NR2E1: variants seen among roughly 807,000 people sequenced by gnomAD.
NR2E1 encodes nuclear receptor TLX.
NR2E1 carries 5 observed loss-of-function variants against 43.6 expected under a neutral mutation model. The ratio of observed to expected loss-of-function variants is 0.11; its 90% CI spans 0.06 to 0.24. The LOEUF is 0.24. Among genes scored for constraint, NR2E1 ranks in the 10% least tolerant of loss-of-function variants. The pLI, the probability that NR2E1 is intolerant of heterozygous loss-of-function variation, is 1.00. For synonymous variants in NR2E1, 191 were observed against 195.5 expected (o/e 0.98, Z 0.19); for missense variants, 287 against 496.7 (o/e 0.58, Z 4.01).
At position 108,177,259 on chromosome 6, in the gene NR2E1, T is replaced by C. The variant is rs115492281; in HGVS notation, c.495+521T>C. 9.3e-4 allele frequency among the ~76,000 whole-genome samples: 142 copies of C among 152,382 alleles called. 1 individual carries two copies. The highest frequency in any genetic ancestry group is 3.2e-3 in the African/African-American group (133 of 41,588). On this transcript the variant is annotated intron_variant, in intron 4 of 8. Coordinates refer to ENST00000368986, the MANE Select transcript of NR2E1 (RefSeq NM_003269.5). Reference sequence around the variant, plus strand: ...GTGCGAAATGTGGAGATCACACTGTTAGAACAGTTTGAGGAATCTGAGTTC... The same window carrying C: ...GTGCGAAATGTGGAGATCACACTGTCAGAACAGTTTGAGGAATCTGAGTTC...
chr6:108,181,511 G>A, intron 7 of NR2E1, 35 bp from the exon 8 acceptor site: 1 of 1,554,078 alleles, frequency 6.4e-7, no homozygotes. Context: ...CAATTTCTAT[G>A]CTGTCTATCA....
At chr6:108,179,347 A>G (rs1773948585) in intron 5 of NR2E1, 1 of 152,240 alleles carries the variant, frequency 6.6e-6, no homozygotes, top group Non-Finnish European at 1.5e-5. Flanking sequence ...TTTTGGTTAC[A>G]AGCCTTCATG....
intron 8 of NR2E1, 135 bp from the exon 9 acceptor site, chr6:108,187,166 C>G (rs1774090023): frequency 9.3e-7 from 1 of 1,079,752 alleles, no homozygotes; most frequent in Non-Finnish European, 1.4e-6. Context: ...CTGTCCAGAA[C>G]TTTGCTGCAG....
At chr6:108,178,320 T>C in intron 5 of NR2E1, 79 bp downstream of exon 5, 6 of 1,529,838 alleles carry the variant, frequency 3.9e-6, no homozygotes, top group Non-Finnish European at 5.4e-6. Context: ...ACTTCCTCTA[T>C]CCCTGGGTAA....
At chr6:108,172,940 C>T (rs78640022) in intron 2 of NR2E1, among the ~76,000 whole-genome samples, 174 of 152,300 alleles carry the variant, frequency 1.1e-3, no homozygotes, top group African/African-American at 4.0e-3. Flanking sequence ...CAGGATTGTG[C>T]GATTACTGCG....
intron 8 of NR2E1, 80 bp from the exon 9 acceptor site, chr6:108,187,218 AGAT>A: frequency 6.9e-7 from 1 of 1,453,922 alleles, no homozygotes; most frequent in Non-Finnish European, 9.7e-7. Context: ...GCAATGCTGG[AGAT>A]GATGTGTGTT....
intron 4 of NR2E1, among the ~76,000 whole-genome samples, chr6:108,177,862 G>A (rs566994633): frequency 6.6e-6 from 1 of 152,266 alleles, no homozygotes; most frequent in East Asian, 1.9e-4. Flanking sequence ...CTTCTGGAAG[G>A]GAGAGGCTCC....
chr6:108,166,807 C>T lies in NR2E1; in HGVS notation c.25+17C>T. 1 of 1,589,904 alleles carries T rather than the reference C, an allele frequency of 6.3e-7. No individual in the cohort carries two copies. ...GATCAACAAGTGGGTACCTCTCGGG[C>T]CGCCGTGGGGCCTAGGCGCGCAGCC... On this transcript the variant is annotated intron_variant, in intron 1 of 8. Coordinates refer to ENST00000368986, the MANE Select transcript of NR2E1 (RefSeq NM_003269.5). The surrounding 1 kb of genome is among the most constrained non-coding windows in gnomAD (Gnocchi z 7.2).
At chr6:108,175,314 C>T (rs1161167449) in intron 3 of NR2E1, among the ~76,000 whole-genome samples, 1 of 152,226 alleles carries the variant, frequency 6.6e-6, no homozygotes, top group Admixed American at 6.5e-5. Context: ...GATAGTCTCA[C>T]GGGGAGGAGA....
At chr6:108,171,680 T>C (rs1355817485) in intron 2 of NR2E1, 77 bp downstream of exon 2, 3 of 1,584,486 alleles carry the variant, frequency 1.9e-6, no homozygotes. Context: ...AGGCCTCCTC[T>C]GAGTTTCCAC....
At chr6:108,171,702 G>C in intron 2 of NR2E1, 99 bp downstream of exon 2, 2 of 1,498,656 alleles carry the variant, frequency 1.3e-6, no homozygotes, top group Non-Finnish European at 1.8e-6. Context: ...CAGTTGAGGA[G>C]AGACCCGGCC....
intron 4 of NR2E1, among the ~76,000 whole-genome samples, chr6:108,177,033 C>A (rs954866841): frequency 6.6e-6 from 1 of 152,196 alleles, no homozygotes; most frequent in African/African-American, 2.4e-5. Context: ...GAACCTGCAC[C>A]TTTAGGAAAC....
intron 4 of NR2E1, among the ~76,000 whole-genome samples, chr6:108,177,812 CA>C (rs763392189): frequency 6.6e-6 from 1 of 152,138 alleles, no homozygotes; most frequent in Non-Finnish European, 1.5e-5. Context: ...TGGCTCAGCC[CA>C]AGGAAAATTT....
At chr6:108,178,340 G>C (rs1773933980) in intron 5 of NR2E1, 99 bp downstream of exon 5, 1 of 1,291,984 alleles carries the variant, frequency 7.7e-7, no homozygotes, top group African/African-American at 1.5e-5. Context: ...AACCACCCAA[G>C]GCAGGCATCC....
At chr6:108,176,786 A>C in intron 4 of NR2E1, 48 bp downstream of exon 4, 1 of 1,500,258 alleles carries the variant, frequency 6.7e-7, no homozygotes. Flanking sequence ...GCGAATGGAG[A>C]GGGACGCACC....
chr6:108,182,967 C>T lies in NR2E1; in HGVS notation c.995+1316C>T, dbSNP rs1410889329. Among the ~76,000 whole-genome samples the T allele has an allele frequency of 3.3e-5, 5 of 152,250 alleles. No homozygotes were observed. In the East Asian group the frequency reaches 9.6e-4, roughly 29 times the overall value. ...CCTCCCACCTAAGTCTCCCAAAGTG[C>T]TGGGATTACAGGCCTGGGCCACTGT... On this transcript the variant is annotated intron_variant, in intron 8 of 8. Transcript: ENST00000368986.
intron 5 of NR2E1, 104 bp downstream of exon 5, chr6:108,178,345 G>A: frequency 1.6e-6 from 2 of 1,244,406 alleles, no homozygotes; most frequent in Non-Finnish European, 2.3e-6. Context: ...CCCAAGGCAG[G>A]CATCCATTCT....
In NR2E1 at chr6:108,181,560, G is replaced by C. The variant is rs1773986619; in HGVS notation, c.904G>C (p.Gly302Arg). 2.5e-6 allele frequency: 4 copies of C among 1,613,860 alleles called. No homozygotes were observed. The highest frequency in any genetic ancestry group is 2.7e-5 in the African/African-American group (2 of 75,032). The stretch of plus-strand genomic sequence containing the variant: ...TTCATTTCTAGTTCCTACACATAGT[G>C]GTTCTGAACTGAGAAGTTTCCGGAA... ...VTFKAVPTHSGSELRSFRNAA... is the reference protein window; with the variant it reads ...VTFKAVPTHSRSELRSFRNAA... The change falls in exon 8 of 9, where the codon GGT (glycine) becomes CGT (arginine). Residue 302 changes from glycine (G) to arginine (R), a missense_variant. Around this residue, in one of 4 missense-constraint regions of NR2E1, gnomAD observed 119 missense variants for 187.0 expected, o/e 0.64. Transcript: ENST00000368986.
At position 108,166,823 on chromosome 6, in the gene NR2E1, G is replaced by A; in HGVS notation, c.25+33G>A. On this transcript the variant is annotated intron_variant, in intron 1 of 8. Coordinates refer to ENST00000368986, the MANE Select transcript of NR2E1 (RefSeq NM_003269.5). The surrounding 1 kb of genome is among the most constrained non-coding windows in gnomAD (Gnocchi z 7.2). ...CCTCTCGGGCCGCCGTGGGGCCTAG[G>A]CGCGCAGCCTGGGGCGAGCGAGCGG... 1 of 1,584,318 alleles carries A rather than the reference G, an allele frequency of 6.3e-7. No individual in the cohort carries two copies. Among genetic ancestry groups the A allele is most frequent in the Non-Finnish European group, 8.6e-7 (1 of 1,168,918 alleles).
Sources: gnomAD v4.1 joint callset for allele counts (sites outside exome capture counted in the v4.1 genomes callset) on GRCh38, gnomAD v4.1.1 for gene constraint, gnomAD v4.1.1 regional missense constraint, Gnocchi (gnomAD v3.1) non-coding constraint, MANE v1.5 for transcripts, NCBI Gene and HGNC (gene_info 2026-07-23, HGNC 2026-07-21) for gene names.